The following MEI1 variants were observed in gnomAD, a reference collection of about 807,000 sequenced individuals.
MEI1 encodes the protein meiosis inhibitor protein 1.
Under a neutral mutation model 146.2 loss-of-function variants are expected in MEI1, and 103 were observed. That is an observed-to-expected ratio of 0.70 (90% CI 0.60 to 0.83). The LOEUF (loss-of-function observed/expected upper bound fraction) is 0.83. Among genes scored for constraint, MEI1 ranks in the 40% least tolerant of loss-of-function variants. The probability of loss-of-function intolerance (pLI) is 0.00; values close to 1 mark genes in which losing one functional copy is unlikely to be tolerated. For synonymous variants in MEI1, 652 were observed against 628.2 expected, an observed-to-expected ratio of 1.04 and a Z score of -0.57; for missense variants, 1,529 against 1,533.0, an observed-to-expected ratio of 1.00 and a Z score of 0.04.
intron 19 of MEI1, among the ~76,000 whole-genome samples, chr22:41,763,940 T>A (rs2074673526): frequency 7.4e-6 from 1 of 134,298 alleles, no homozygotes; most frequent in Non-Finnish European, 1.5e-5. Flanking sequence ...GAGGGGAAGT[T>A]TCCTTTTTTT....
chr22:41,770,651 G>A (rs2075125618), intron 19 of MEI1, 35 bp from the exon 20 acceptor site: 1 of 1,594,538 alleles, frequency 6.3e-7, no homozygotes, highest in Admixed American at 1.7e-5. Context: ...TCCTCTGCAA[G>A]GTGTATTTAC....
At chr22:41,792,965 A>C (rs2076231594) in intron 26 of MEI1, among the ~76,000 whole-genome samples, 1 of 142,082 alleles carries the variant, frequency 7.0e-6, no homozygotes, top group Non-Finnish European at 1.5e-5. Flanking sequence ...GTAAACTGTG[A>C]GGCTCTGTAA....
intron 7 of MEI1, among the ~76,000 whole-genome samples, chr22:41,728,035 C>G (rs902383230): frequency 6.6e-6 from 1 of 152,138 alleles, no homozygotes; most frequent in African/African-American, 2.4e-5. Context: ...CGGCATATAC[C>G]CAGACCCACA....
At chr22:41,705,446 A>G (rs2069014799) in intron 2 of MEI1, 58 bp from the exon 3 acceptor site, 1 of 1,464,408 alleles carries the variant, frequency 6.8e-7, no homozygotes. Context: ...GCTGGGGTAC[A>G]GATGTGTGCC....
At chr22:41,705,611 G>A (rs780126104) in intron 3 of MEI1, 57 bp downstream of exon 3, 45 of 1,500,208 alleles carry the variant, frequency 3.0e-5, no homozygotes, top group Middle Eastern at 3.4e-4. Context: ...CTGAATTGCA[G>A]CTCTGGTTAC....
intron 18 of MEI1, among the ~76,000 whole-genome samples, chr22:41,760,126 G>A (rs895983070): frequency 2.6e-5 from 4 of 151,868 alleles, no homozygotes; most frequent in South Asian, 4.2e-4. Context: ...TGGCTAACAC[G>A]GTGAAACCCC....
intron 24 of MEI1, 93 bp from the exon 25 acceptor site, chr22:41,784,246 G>T (rs530965882): frequency 7.4e-6 from 8 of 1,085,376 alleles, no homozygotes; most frequent in South Asian, 5.3e-5. Flanking sequence ...GTGGATATGT[G>T]GGGGGAGGTG....
intron 24 of MEI1, among the ~76,000 whole-genome samples, chr22:41,783,941 C>T (rs2075854342): frequency 6.6e-6 from 1 of 152,166 alleles, no homozygotes; most frequent in Non-Finnish European, 1.5e-5. Context: ...CCTCAGCCAC[C>T]CAAAGTGCTG....
intron 9 of MEI1, among the ~76,000 whole-genome samples, 168 bp downstream of exon 9, chr22:41,730,805 T>C (rs2071788590): frequency 6.6e-6 from 1 of 152,178 alleles, no homozygotes; most frequent in Admixed American, 6.5e-5. Context: ...AGTATTGATA[T>C]CCAAATGTTC....
At chr22:41,781,605 C>G in intron 23 of MEI1, 80 bp from the exon 24 acceptor site, 1 of 1,485,296 alleles carries the variant, frequency 6.7e-7, no homozygotes, top group Non-Finnish European at 9.2e-7. Flanking sequence ...AAGCCCCAAT[C>G]AGGTGCTAAG....
intron 17 of MEI1, among the ~76,000 whole-genome samples, chr22:41,757,342 C>T (rs1347396187): frequency 1.3e-5 from 2 of 152,074 alleles, no homozygotes; most frequent in African/African-American, 2.4e-5. Context: ...GATCCGCCAG[C>T]CTCGGCCTCC....
intron 26 of MEI1, among the ~76,000 whole-genome samples, chr22:41,792,297 T>A (rs1278793934): frequency 6.6e-6 from 1 of 152,196 alleles, no homozygotes; most frequent in African/African-American, 2.4e-5. Context: ...TGATCAGCTA[T>A]GCAGAATCTT....
At chr22:41,793,395 G>A (rs1007576123) in intron 26 of MEI1, among the ~76,000 whole-genome samples, 4 of 151,990 alleles carry the variant, frequency 2.6e-5, no homozygotes, top group African/African-American at 7.3e-5. Context: ...TCCGCCTCCC[G>A]GGTTCAATCG....
At chr22:41,796,118 A>G (rs1374639818) in intron 30 of MEI1, among the ~76,000 whole-genome samples, 5 of 152,172 alleles carry the variant, frequency 3.3e-5, no homozygotes, top group East Asian at 3.9e-4. Flanking sequence ...GACAACAACA[A>G]TGCCGTGTCC....
At chr22:41,745,758 A>C in intron 13 of MEI1, 127 bp from the exon 14 acceptor site, 1 of 899,436 alleles carries the variant, frequency 1.1e-6, no homozygotes, top group Non-Finnish European at 1.6e-6. Context: ...ATTTTCTCCC[A>C]GTCTGATAAT....
intron 23 of MEI1, 133 bp from the exon 24 acceptor site, chr22:41,781,552 C>A: frequency 8.2e-7 from 1 of 1,226,352 alleles, no homozygotes; most frequent in Non-Finnish European, 1.1e-6. Flanking sequence ...TGTTATGAAG[C>A]TGGGACCCTT....
chr22:41,793,584 G>A (rs1384774048), intron 26 of MEI1, among the ~76,000 whole-genome samples: 1 of 152,248 alleles, frequency 6.6e-6, no homozygotes, highest in Non-Finnish European at 1.5e-5. Flanking sequence ...TTACAGGCGT[G>A]AGCCACTGTG....
Position 41,795,914 on chromosome 22 carries a change from G to A in MEI1, c.3779+67G>A. 6.2e-7 allele frequency: 1 copy of A among 1,612,378 alleles called. No individual in the cohort carries two copies. The highest frequency in any genetic ancestry group is 2.2e-5 in the East Asian group (1 of 44,714). On this transcript the variant is annotated intron_variant, in intron 30 of 30. Transcript: ENST00000401548. The surrounding 1 kb of genome is among the most constrained non-coding windows in gnomAD (Gnocchi z 4.2). ...CTGGGTGTTTGGGGCTTCTCTTCCTGGGCCAGTTTATGCGGTACCGGAGTA... is the reference window on the plus strand; with the variant it reads ...CTGGGTGTTTGGGGCTTCTCTTCCTAGGCCAGTTTATGCGGTACCGGAGTA...
chr22:41,715,462 C>T (rs1043071279), intron 4 of MEI1, among the ~76,000 whole-genome samples: 1 of 150,646 alleles, frequency 6.6e-6, no homozygotes, highest in South Asian at 2.1e-4. Context: ...GTGGCGCAAT[C>T]TTGGCTCACT....
Sources: allele counts gnomAD v4.1 joint callset (sites outside exome capture counted in the v4.1 genomes callset), GRCh38; gene constraint gnomAD v4.1.1; non-coding constraint Gnocchi (gnomAD v3.1); transcripts MANE v1.5; gene names NCBI Gene and HGNC (gene_info 2026-07-23, HGNC 2026-07-21).